The following SLC35F1 variants were observed in gnomAD, a reference collection of about 807,000 sequenced individuals.
The protein encoded by SLC35F1 is solute carrier family 35 member F1, also known as chromosome 6 open reading frame 169.
In SLC35F1, 14 loss-of-function variants were observed where a neutral mutation model predicts 48.7. The observed-to-expected ratio is 0.29, with a 90% CI of 0.19 to 0.45. The LOEUF (loss-of-function observed/expected upper bound fraction) is 0.45, where lower values mean the gene tolerates loss of function less well. Among genes scored for constraint, SLC35F1 ranks in the 20% least tolerant of loss-of-function variants. The pLI, the probability that SLC35F1 is intolerant of heterozygous loss-of-function variation, is 1.00. For synonymous variants in SLC35F1, 190 were observed against 202.2 expected, an observed-to-expected ratio of 0.94 and a Z score of 0.51; for missense variants, 404 against 500.0, an observed-to-expected ratio of 0.81 and a Z score of 1.83.
intron 1 of SLC35F1, among the ~76,000 whole-genome samples, chr6:118,032,790 T>C (rs528657672): frequency 9.2e-5 from 14 of 152,252 alleles, no homozygotes; most frequent in Non-Finnish European, 1.9e-4. Context: ...TTAAGGTCTT[T>C]ACTTATTTAA....
At chr6:117,981,003 A>C (rs1404652790) in intron 1 of SLC35F1, among the ~76,000 whole-genome samples, 1 of 152,248 alleles carries the variant, frequency 6.6e-6, no homozygotes, top group Non-Finnish European at 1.5e-5. Flanking sequence ...TTAGTGGTCT[A>C]TGATAAAAGT....
At position 118,013,789 on chromosome 6, in the gene SLC35F1, G is replaced by A. The variant is rs530054616; in HGVS notation, c.173+105890G>A. On this transcript the variant is annotated intron_variant, in intron 1 of 7. Coordinates refer to ENST00000360388, the MANE Select transcript of SLC35F1 (RefSeq NM_001029858.4). ...TAGCTTATTATATTGGCTCTGGGGT[G>A]GACAAATCCATCCAACTATTTGTGG... 4.6e-5 allele frequency among the ~76,000 whole-genome samples: 7 copies of A among 152,064 alleles called. No individual in the cohort carries two copies. The South Asian group carries it at 1.5e-3, about 32-fold the overall frequency.
chr6:118,285,426 GA>G (rs2114641813), intron 7 of SLC35F1, 88 bp downstream of exon 7: 2 of 1,470,606 alleles, frequency 1.4e-6, no homozygotes, highest in Non-Finnish European at 1.9e-6. Flanking sequence ...GAAATGCCCT[GA>G]TTTTGTGTAG....
intron 2 of SLC35F1, among the ~76,000 whole-genome samples, chr6:118,226,863 T>C (rs1775225766): frequency 6.6e-6 from 1 of 152,132 alleles, no homozygotes; most frequent in Non-Finnish European, 1.5e-5. Flanking sequence ...GTTCCTAGCA[T>C]AAAGAAAAAA....
At chr6:118,259,083 A>T (rs1414447443) in intron 3 of SLC35F1, among the ~76,000 whole-genome samples, 1 of 151,674 alleles carries the variant, frequency 6.6e-6, no homozygotes, top group Non-Finnish European at 1.5e-5. Context: ...AATAGCCTTA[A>T]TAATATATAA....
intron 1 of SLC35F1, among the ~76,000 whole-genome samples, chr6:117,942,918 T>G (rs942007339): frequency 6.6e-6 from 1 of 152,216 alleles, no homozygotes; most frequent in African/African-American, 2.4e-5. Context: ...CCTGTAGTTT[T>G]TATTTATTTC....
chr6:118,040,621 C>T (rs1772200170), intron 1 of SLC35F1, among the ~76,000 whole-genome samples: 1 of 152,016 alleles, frequency 6.6e-6, no homozygotes, highest in Non-Finnish European at 1.5e-5. Flanking sequence ...TAGGCATCTG[C>T]ATAGGATAGA....
intron 1 of SLC35F1, among the ~76,000 whole-genome samples, chr6:117,997,598 G>A (rs1777014953): frequency 2.0e-5 from 3 of 152,214 alleles, no homozygotes; most frequent in Admixed American, 2.0e-4. Flanking sequence ...CTACAAGCCG[G>A]AAGAGAGTGG....
chr6:118,114,532 C>A (rs1773450948), intron 1 of SLC35F1, among the ~76,000 whole-genome samples: 1 of 146,110 alleles, frequency 6.8e-6, no homozygotes, highest in East Asian at 2.1e-4. Context: ...CGCCACCACG[C>A]CCAGCTATTT....
chr6:117,923,431 T>C (rs1360104587), intron 1 of SLC35F1, among the ~76,000 whole-genome samples: 2 of 151,010 alleles, frequency 1.3e-5, no homozygotes, highest in African/African-American at 2.4e-5. Context: ...GTGGGTTCAG[T>C]TTAACTTGAT....
intron 2 of SLC35F1, among the ~76,000 whole-genome samples, chr6:118,167,969 A>T (rs1324214106): frequency 5.3e-5 from 8 of 152,134 alleles, no homozygotes; most frequent in African/African-American, 1.9e-4. Context: ...TTCCCCACTT[A>T]TTCACAGCAG....
chr6:118,156,579 C>T (rs1402965897), intron 2 of SLC35F1, among the ~76,000 whole-genome samples: 9 of 151,906 alleles, frequency 5.9e-5, no homozygotes, highest in South Asian at 2.1e-4. Flanking sequence ...ATGTAAATGA[C>T]GAGTTGATGG....
rs1025574929 is a variant in SLC35F1, at chr6:118,070,847, T to C, written c.174-83598T>C. ...TATGTATACATATATTCTATGTATA[T>C]ATATACACATAGGATATATATACTA... is the stretch of plus-strand genomic sequence containing the variant. On this transcript the variant is annotated intron_variant, in intron 1 of 7. Transcript: ENST00000360388. Among the ~76,000 whole-genome samples, 4 of 143,016 alleles carry C rather than the reference T, an allele frequency of 2.8e-5. No homozygotes were observed. The Admixed American group carries it at 2.8e-4, about 10-fold the overall frequency. 93.8% of individuals were successfully genotyped at this position (143,016 alleles called of 152,430 possible).
chr6:118,281,924 A>C (rs932826001), intron 6 of SLC35F1, among the ~76,000 whole-genome samples: 6 of 152,248 alleles, frequency 3.9e-5, no homozygotes, highest in African/African-American at 1.4e-4. Flanking sequence ...TACATAAAGT[A>C]CATGACACAT....
At chr6:118,117,802 C>T (rs1056662105) in intron 1 of SLC35F1, among the ~76,000 whole-genome samples, 1 of 152,110 alleles carries the variant, frequency 6.6e-6, no homozygotes, top group Non-Finnish European at 1.5e-5. Context: ...TTGACCTTTT[C>T]TAGAATGTTA....
chr6:118,162,946 A>G (rs1024621863), intron 2 of SLC35F1, among the ~76,000 whole-genome samples: 1 of 151,198 alleles, frequency 6.6e-6, no homozygotes, highest in African/African-American at 2.4e-5. Context: ...GCTAATGTGT[A>G]TGAATCTTTT....
At chr6:118,148,420 AC>A (rs2114457431) in intron 1 of SLC35F1, among the ~76,000 whole-genome samples, 1 of 152,326 alleles carries the variant, frequency 6.6e-6, no homozygotes, top group African/African-American at 2.4e-5. Flanking sequence ...AATTTGTAAC[AC>A]AAGTTTACTC....
chr6:117,907,795 G>A lies in SLC35F1; in HGVS notation c.69G>A (p.Val23=), dbSNP rs1320103323. 2 of 1,558,788 alleles carry A rather than the reference G, an allele frequency of 1.3e-6. No homozygotes were observed. Among genetic ancestry groups the A allele is most frequent in the Non-Finnish European group, 1.7e-6 (2 of 1,161,696 alleles). ...PPSPAPPNHV[V]TTIENLPAEG... ...CGCCAGCCCCGCCGAACCATGTGGT[G>A]ACCACCATCGAGAACCTGCCGGCCG... The change falls in exon 1 of 8, where the codon GTG becomes GTA. Residue 23 remains valine, a synonymous_variant. Coordinates refer to ENST00000360388, the MANE Select transcript of SLC35F1 (RefSeq NM_001029858.4).
At chr6:118,226,481 T>G (rs1035839856) in intron 2 of SLC35F1, among the ~76,000 whole-genome samples, 3 of 55,706 alleles carry the variant, frequency 5.4e-5, no homozygotes, top group Non-Finnish European at 7.1e-5. Flanking sequence ...AACTGATGAA[T>G]GGATACACAC....
Sources: allele counts gnomAD v4.1 joint callset (sites outside exome capture counted in the v4.1 genomes callset), GRCh38; gene constraint gnomAD v4.1.1; transcripts MANE v1.5; gene names NCBI Gene and HGNC (gene_info 2026-07-23, HGNC 2026-07-21).